The following BTBD9 variants were observed in gnomAD, a reference collection of about 807,000 sequenced individuals.
BTBD9 encodes BTB/POZ domain-containing protein 9.
Under a neutral mutation model 64.3 loss-of-function variants are expected in BTBD9, and 49 were observed. The ratio of observed to expected loss-of-function variants is 0.76; its 90% CI spans 0.61 to 0.97. BTBD9 has a LOEUF of 0.97. Ranked by LOEUF, BTBD9 falls within the 50% of genes least tolerant of loss-of-function variation. The pLI is 0.00. For synonymous variants in BTBD9, 260 were observed against 274.7 expected (o/e 0.95, Z 0.53); for missense variants, 598 against 762.1 (o/e 0.78, Z 2.53).
At chr6:38,426,015 G>C (rs986641942) in intron 6 of BTBD9, among the ~76,000 whole-genome samples, 1 of 151,700 alleles carries the variant, frequency 6.6e-6, no homozygotes, top group African/African-American at 2.4e-5. Flanking sequence ...GAAGCTACGT[G>C]TGTCATAATT....
rs529556181 is a variant in BTBD9, at chr6:38,539,608, A to G, written c.1154+37992T>C. 2.6e-5 allele frequency among the ~76,000 whole-genome samples: 4 copies of G among 152,356 alleles called. No homozygotes were observed. In the East Asian group the frequency reaches 7.7e-4, roughly 29 times the overall value. ...ACTACTAGTTGGCTTTGAATGGTCT[A>G]TTAATTTTTAAAAGAGATTTATTTG... On this transcript the variant is annotated intron_variant, in intron 6 of 10. Coordinates refer to ENST00000481247, the MANE Select transcript of BTBD9 (RefSeq NM_001099272.2).
At chr6:38,199,960 A>G (rs780026078) in intron 9 of BTBD9, among the ~76,000 whole-genome samples, 6 of 152,264 alleles carry the variant, frequency 3.9e-5, no homozygotes, top group Non-Finnish European at 5.9e-5. Flanking sequence ...GTGGAGGCAC[A>G]AACAAAGCTC....
At chr6:38,611,611 TC>T (rs1487048730) in intron 1 of BTBD9, among the ~76,000 whole-genome samples, 1 of 152,092 alleles carries the variant, frequency 6.6e-6, no homozygotes, top group African/African-American at 2.4e-5. Flanking sequence ...AGGTCTTTCT[TC>T]CCGGTGTCCC....
chr6:38,223,417 C>T (rs1763283878), intron 9 of BTBD9, among the ~76,000 whole-genome samples: 1 of 152,146 alleles, frequency 6.6e-6, no homozygotes, highest in Non-Finnish European at 1.5e-5. Flanking sequence ...TCACTGCAGC[C>T]TCAAACTCCT....
chr6:38,596,676 C>A (rs1207429189), intron 2 of BTBD9, among the ~76,000 whole-genome samples: 1 of 151,986 alleles, frequency 6.6e-6, no homozygotes, highest in Non-Finnish European at 1.5e-5. Context: ...TGGCAGGCGC[C>A]CGTAGTCCCA....
chr6:38,575,501 G>T (rs968602073), intron 6 of BTBD9, among the ~76,000 whole-genome samples: 2 of 152,092 alleles, frequency 1.3e-5, no homozygotes, highest in South Asian at 2.1e-4. Flanking sequence ...CAATTTATTT[G>T]CCCAGTGAAG....
At chr6:38,524,629 G>A (rs1037218407) in intron 6 of BTBD9, among the ~76,000 whole-genome samples, 1 of 142,882 alleles carries the variant, frequency 7.0e-6, no homozygotes, top group East Asian at 2.2e-4. Context: ...AAATAACATA[G>A]GGTTATTTAG....
chr6:38,368,668 T>A (rs1765287752), intron 6 of BTBD9, among the ~76,000 whole-genome samples: 1 of 152,074 alleles, frequency 6.6e-6, no homozygotes, highest in African/African-American at 2.4e-5. Context: ...CCTTTGAGAA[T>A]CTGACAGAAG....
chr6:38,221,333 A>C (rs992763290), intron 9 of BTBD9, among the ~76,000 whole-genome samples: 3 of 152,178 alleles, frequency 2.0e-5, no homozygotes, highest in Admixed American at 2.0e-4. Context: ...CAAAAGAAAC[A>C]GGCAAAAAGG....
chr6:38,512,748 C>A (rs768870116), intron 6 of BTBD9, among the ~76,000 whole-genome samples: 1 of 152,098 alleles, frequency 6.6e-6, no homozygotes, highest in African/African-American at 2.4e-5. Flanking sequence ...TCTGAAGGGG[C>A]AGATTTTTAA....
At chr6:38,216,802 G>A (rs1458455369) in intron 9 of BTBD9, among the ~76,000 whole-genome samples, 1 of 152,164 alleles carries the variant, frequency 6.6e-6, no homozygotes, top group African/African-American at 2.4e-5. Flanking sequence ...GGGGAGGGGT[G>A]TGCATCCACA....
intron 9 of BTBD9, among the ~76,000 whole-genome samples, chr6:38,253,146 C>T (rs1764458370): frequency 6.7e-6 from 1 of 149,440 alleles, no homozygotes; most frequent in African/African-American, 2.5e-5. Flanking sequence ...AACAACAAAA[C>T]ACCCACATTG....
chr6:38,255,748 G>A (rs1764553199), intron 9 of BTBD9, among the ~76,000 whole-genome samples: 1 of 152,204 alleles, frequency 6.6e-6, no homozygotes, highest in Non-Finnish European at 1.5e-5. Flanking sequence ...TGCTATGAGT[G>A]TGGGGAATAG....
intron 1 of BTBD9, among the ~76,000 whole-genome samples, chr6:38,635,086 T>C (rs1320363223): frequency 2.0e-5 from 3 of 152,014 alleles, no homozygotes; most frequent in East Asian, 1.9e-4. Context: ...TCAGAAACTA[T>C]GGGGGTGGGA....
intron 6 of BTBD9, among the ~76,000 whole-genome samples, chr6:38,512,833 G>A (rs1772834205): frequency 6.6e-6 from 1 of 152,062 alleles, no homozygotes; most frequent in Non-Finnish European, 1.5e-5. Flanking sequence ...TTGTAGTTGA[G>A]ATCTAAGTAC....
Position 38,365,211 on chromosome 6 carries a change from T to C in BTBD9, c.1155-20118A>G, listed in dbSNP as rs528167652. On this transcript the variant is annotated intron_variant, in intron 6 of 10. Coordinates refer to ENST00000481247, the MANE Select transcript of BTBD9 (RefSeq NM_001099272.2). Reference sequence around the variant, plus strand: ...TCACTCATTAAATTCTCTTAACTTATGAGGTAGGCATTATTACTATCCACA... The same window carrying C: ...TCACTCATTAAATTCTCTTAACTTACGAGGTAGGCATTATTACTATCCACA... Among the ~76,000 whole-genome samples, 8 of 152,302 alleles carry C rather than the reference T, an allele frequency of 5.3e-5. No individual in the cohort carries two copies. In the South Asian group the frequency reaches 1.2e-3, roughly 24 times the overall value.
intron 7 of BTBD9, among the ~76,000 whole-genome samples, chr6:38,298,060 T>C (rs35598910): frequency 6.6e-6 from 1 of 151,866 alleles, no homozygotes; most frequent in East Asian, 1.9e-4. Context: ...TTTCACCATG[T>C]TAGCCAGGAT....
In BTBD9 at chr6:38,172,507, GGGAA is replaced by G. The variant is rs1766834411; in HGVS notation, c.*2474_*2477del. 4.6e-5 allele frequency: 7 copies of G among 152,344 alleles called. No homozygotes were observed. Among genetic ancestry groups the G allele is most frequent in the African/African-American group, 1.7e-4 (7 of 41,466 alleles). The allele number at this position is 152,344 out of a possible 1,614,324, so 9.4% of individuals were successfully genotyped here. On this transcript the variant is annotated 3_prime_UTR_variant, in exon 11 of 11. Transcript: ENST00000481247. Reference sequence around the variant, plus strand: ...CCTGCCCCAGTCAGAAGGCCCCTCAGGGAAGGGCAGTACCCCTCCAGCCTGGGAA... The same window carrying G: ...CCTGCCCCAGTCAGAAGGCCCCTCAGGGGCAGTACCCCTCCAGCCTGGGAA...
intron 4 of BTBD9, among the ~76,000 whole-genome samples, chr6:38,591,956 A>G (rs1776811824): frequency 6.6e-6 from 1 of 152,124 alleles, no homozygotes. Flanking sequence ...AGGCCAAGGC[A>G]GGTGGATCAC....
Sources: gnomAD v4.1 joint callset for allele counts (sites outside exome capture counted in the v4.1 genomes callset) on GRCh38, gnomAD v4.1.1 for gene constraint, MANE v1.5 for transcripts, NCBI Gene and HGNC (gene_info 2026-07-23, HGNC 2026-07-21) for gene names.